CNTN4: variants seen among roughly 807,000 people sequenced by gnomAD.
CNTN4 encodes contactin-4.
Under a neutral mutation model 122.5 loss-of-function variants are expected in CNTN4, and 77 were observed. The ratio of observed to expected loss-of-function variants is 0.63; its 90% CI spans 0.52 to 0.76. The LOEUF is 0.76. CNTN4 is among the 30% of genes least tolerant of loss of function. The pLI is 0.00. For synonymous variants in CNTN4, 512 were observed against 447.0 expected (o/e 1.15, Z -1.83); for missense variants, 1,256 against 1,259.1 (o/e 1.00, Z 0.04).
At chr3:2,423,202 CCTTT>C (rs1029895479) in intron 3 of CNTN4, among the ~76,000 whole-genome samples, 11 of 152,174 alleles carry the variant, frequency 7.2e-5, no homozygotes, top group African/African-American at 1.9e-4. Flanking sequence ...CAAGTTGTTG[CCTTT>C]CTTTCTTTAT....
In CNTN4 at chr3:2,711,352, C is replaced by T. The variant is rs563761246; in HGVS notation, c.56-24863C>T. Among the ~76,000 whole-genome samples, 3 of 152,218 alleles carry T rather than the reference C, an allele frequency of 2.0e-5. No individual in the cohort carries two copies. The East Asian group carries it at 5.8e-4, about 29-fold the overall frequency. On this transcript the variant is annotated intron_variant, in intron 4 of 24. Transcript: ENST00000418658. ...CTGGGAATGCTGGAGTGTTACAAAG[C>T]CTCCTGATTTTTTAAGAGCCGCTAT... is the stretch of plus-strand genomic sequence containing the variant.
At chr3:2,164,304 T>G (rs577779369) in intron 2 of CNTN4, among the ~76,000 whole-genome samples, 1 of 151,790 alleles carries the variant, frequency 6.6e-6, no homozygotes, top group South Asian at 2.1e-4. Context: ...ACTGACCAAA[T>G]TAATTAACTG....
intron 4 of CNTN4, among the ~76,000 whole-genome samples, chr3:2,647,388 A>ACTC (rs1187462753): frequency 3.0e-5 from 1 of 32,820 alleles, no homozygotes; most frequent in Non-Finnish European, 6.3e-5. Context: ...CTCATAAATA[A>ACTC]ATAAATAAAT....
intron 4 of CNTN4, among the ~76,000 whole-genome samples, chr3:2,672,618 G>A (rs778139558): frequency 2.6e-5 from 4 of 152,182 alleles, no homozygotes; most frequent in Non-Finnish European, 5.9e-5. Context: ...TGCACGTACT[G>A]TCTGACAATC....
At chr3:2,466,598 G>T (rs1234170182) in intron 3 of CNTN4, among the ~76,000 whole-genome samples, 1 of 152,148 alleles carries the variant, frequency 6.6e-6, no homozygotes, top group Non-Finnish European at 1.5e-5. Flanking sequence ...GACTCTTGTT[G>T]CTATGGTATC....
At chr3:2,208,351 T>C (rs2038457185) in intron 2 of CNTN4, among the ~76,000 whole-genome samples, 1 of 152,096 alleles carries the variant, frequency 6.6e-6, no homozygotes, top group African/African-American at 2.4e-5. Flanking sequence ...CTAATGTGGT[T>C]GAAAGAGCAA....
At chr3:2,660,339 C>T (rs1027345845) in intron 4 of CNTN4, among the ~76,000 whole-genome samples, 3 of 152,128 alleles carry the variant, frequency 2.0e-5, no homozygotes, top group African/African-American at 7.2e-5. Flanking sequence ...GATTCACTGG[C>T]ACTGTTATAT....
chr3:3,000,224 A>G (rs565982532), intron 14 of CNTN4, among the ~76,000 whole-genome samples: 76 of 152,264 alleles, frequency 5.0e-4, no homozygotes, highest in African/African-American at 1.8e-3. Context: ...TGTCCAAAAC[A>G]AGAGAGGGGG....
chr3:2,852,462 A>C (rs971972272), intron 7 of CNTN4, among the ~76,000 whole-genome samples: 4 of 152,216 alleles, frequency 2.6e-5, no homozygotes, highest in Admixed American at 2.6e-4. Flanking sequence ...GTAAGTCATC[A>C]AATGATTCTA....
chr3:2,899,078 A>T (rs890014726), intron 10 of CNTN4, among the ~76,000 whole-genome samples: 14 of 152,226 alleles, frequency 9.2e-5, no homozygotes, highest in Non-Finnish European at 1.9e-4. Flanking sequence ...TCATCCCATC[A>T]GTAGAGGATT....
At chr3:2,747,328 G>A (rs2089835220) in intron 6 of CNTN4, among the ~76,000 whole-genome samples, 1 of 151,532 alleles carries the variant, frequency 6.6e-6, no homozygotes. Flanking sequence ...AGAATGGCGG[G>A]AACCCGGGAG....
intron 4 of CNTN4, among the ~76,000 whole-genome samples, chr3:2,708,351 C>G (rs762376875): frequency 2.0e-4 from 30 of 151,932 alleles, no homozygotes; most frequent in Non-Finnish European, 3.8e-4. Flanking sequence ...CATCCAAATA[C>G]GACTTAAAAG....
At chr3:2,907,733 A>G (rs2094253444) in intron 12 of CNTN4, among the ~76,000 whole-genome samples, 1 of 152,166 alleles carries the variant, frequency 6.6e-6, no homozygotes, top group Admixed American at 6.5e-5. Context: ...GATGGTTAGG[A>G]AGCATATATT....
chr3:2,192,324 GAAC>G, intron 2 of CNTN4, among the ~76,000 whole-genome samples: 1 of 151,946 alleles, frequency 6.6e-6, no homozygotes. Context: ...CACAATGGTT[GAAC>G]TAGTTTACAG....
At chr3:2,692,968 A>G (rs572039316) in intron 4 of CNTN4, among the ~76,000 whole-genome samples, 7 of 152,296 alleles carry the variant, frequency 4.6e-5, no homozygotes, top group Non-Finnish European at 7.3e-5. Context: ...TCTCAAACCT[A>G]TTAAATTCAA....
chr3:3,052,805 T>G (rs1227332907), intron 23 of CNTN4, among the ~76,000 whole-genome samples: 1 of 152,104 alleles, frequency 6.6e-6, no homozygotes, highest in African/African-American at 2.4e-5. Flanking sequence ...CCCCATAAAG[T>G]GGGGTTCCAG....
intron 10 of CNTN4, among the ~76,000 whole-genome samples, chr3:2,899,578 G>A (rs2094150600): frequency 1.3e-5 from 2 of 152,054 alleles, no homozygotes; most frequent in Admixed American, 1.3e-4. Flanking sequence ...TATTTATGAA[G>A]ACTTTTTATG....
chr3:2,322,778 A>C (rs1350580275), intron 2 of CNTN4, among the ~76,000 whole-genome samples: 1 of 152,234 alleles, frequency 6.6e-6, no homozygotes, highest in Non-Finnish European at 1.5e-5. Context: ...ATTATCTGAA[A>C]TATGCTGTTA....
intron 3 of CNTN4, among the ~76,000 whole-genome samples, chr3:2,460,454 G>A (rs949478190): frequency 1.3e-5 from 2 of 152,094 alleles, no homozygotes; most frequent in African/African-American, 4.8e-5. Flanking sequence ...GCACTGTGAG[G>A]CCTGGAACTT....
Sources: gnomAD v4.1 joint callset for allele counts (sites outside exome capture counted in the v4.1 genomes callset) on GRCh38, gnomAD v4.1.1 for gene constraint, MANE v1.5 for transcripts, NCBI Gene and HGNC (gene_info 2026-07-23, HGNC 2026-07-21) for gene names.